Variants in NARS2 observed in about 807,000 individuals in gnomAD.
NARS2 encodes the protein asparaginyl-tRNA synthetase 2, mitochondrial, also known as asparaginyl-tRNA synthetase.
NARS2 carries 60 observed loss-of-function variants against 62.9 expected under a neutral mutation model. That is an observed-to-expected ratio of 0.95 (90% CI 0.77 to 1.18). NARS2 has a LOEUF of 1.18. Among genes scored for constraint, NARS2 ranks in the 50% most tolerant of loss-of-function variants. NARS2 has a pLI of 0.00. For synonymous variants in NARS2, 196 were observed against 200.0 expected (o/e 0.98, Z 0.17); for missense variants, 619 against 576.4 (o/e 1.07, Z -0.76).
chr11:78,548,908 GGA>G (rs1264270032), intron 5 of NARS2, among the ~76,000 whole-genome samples: 3 of 152,190 alleles, frequency 2.0e-5, no homozygotes, highest in Non-Finnish European at 4.4e-5. Context: ...GTGAGGACAA[GGA>G]GAGTCTGTAA....
At chr11:78,519,121 T>C (rs1007224580) in intron 6 of NARS2, among the ~76,000 whole-genome samples, 3 of 152,198 alleles carry the variant, frequency 2.0e-5, no homozygotes, top group African/African-American at 4.8e-5. Context: ...GGGAAGTCAG[T>C]TTCACACCCA....
chr11:78,469,967 G>A (rs1457886438), intron 9 of NARS2, among the ~76,000 whole-genome samples: 2 of 152,172 alleles, frequency 1.3e-5, no homozygotes, highest in African/African-American at 4.8e-5. Context: ...ATGAACCATA[G>A]AAGTATCTTG....
At chr11:78,440,824 C>T (rs142055396) in intron 13 of NARS2, among the ~76,000 whole-genome samples, 8 of 152,306 alleles carry the variant, frequency 5.3e-5, no homozygotes, top group Non-Finnish European at 7.3e-5. Context: ...TGAGCCACTG[C>T]GCCCAGCCAA....
intron 6 of NARS2, among the ~76,000 whole-genome samples, chr11:78,501,841 C>A (rs1860293266): frequency 1.3e-5 from 2 of 152,032 alleles, no homozygotes; most frequent in Admixed American, 1.3e-4. Context: ...TGAATGTATA[C>A]CTCAAAGAAA....
intron 11 of NARS2, among the ~76,000 whole-genome samples, chr11:78,464,038 C>G (rs958724202): frequency 6.6e-6 from 1 of 152,126 alleles, no homozygotes; most frequent in African/African-American, 2.4e-5. Context: ...TTCTTAAAGG[C>G]GGCGCGTCCG....
chr11:78,468,641 T>TGATC (rs1858735220), intron 10 of NARS2, among the ~76,000 whole-genome samples: 2 of 151,964 alleles, frequency 1.3e-5, no homozygotes, highest in African/African-American at 4.8e-5. Context: ...CCTGACCTTG[T>TGATC]GATCCACCCG....
intron 11 of NARS2, among the ~76,000 whole-genome samples, chr11:78,449,143 T>G (rs896603534): frequency 1.4e-5 from 2 of 147,780 alleles, no homozygotes; most frequent in Non-Finnish European, 3.0e-5. Context: ...GTTTTTTTTT[T>G]TTTTTTTTTT....
chr11:78,447,472 C>A (rs1327414681), intron 11 of NARS2, among the ~76,000 whole-genome samples: 3 of 152,118 alleles, frequency 2.0e-5, no homozygotes, highest in African/African-American at 7.2e-5. Flanking sequence ...ACAGAACATA[C>A]ACCTCAGCAA....
At chr11:78,520,067 TA>T (rs916417111) in intron 6 of NARS2, among the ~76,000 whole-genome samples, 1 of 152,120 alleles carries the variant, frequency 6.6e-6, no homozygotes, top group African/African-American at 2.4e-5. Context: ...TAAATATTTA[TA>T]AAAAAATAAT....
At chr11:78,442,330 T>C (rs1857601019) in intron 12 of NARS2, among the ~76,000 whole-genome samples, 1 of 152,220 alleles carries the variant, frequency 6.6e-6, no homozygotes, top group Non-Finnish European at 1.5e-5. Context: ...AAGGAGTTAG[T>C]CGTCTAACGA....
rs149107775 is a variant in NARS2, at chr11:78,469,152, AT to A, written c.1026+94del. 931 of 837,914 alleles carry A rather than the reference AT, an allele frequency of 1.1e-3. 7 individuals carry two copies. In the African/African-American group the frequency reaches 0.014, roughly 13 times the overall value. 51.9% of individuals were successfully genotyped at this position (837,914 alleles called of 1,614,324 possible). On this transcript the variant is annotated intron_variant, in intron 10 of 13. Coordinates refer to ENST00000281038, the MANE Select transcript of NARS2 (RefSeq NM_024678.6). ...AATGCCATATTTTGCTAATAAGAGAATTAAGATGATTTTGAAAGATTCTTAA... is the reference window on the plus strand; with the variant it reads ...AATGCCATATTTTGCTAATAAGAGAATAAGATGATTTTGAAAGATTCTTAA...
At chr11:78,475,082 C>A (rs1859032810) in intron 9 of NARS2, among the ~76,000 whole-genome samples, 1 of 152,050 alleles carries the variant, frequency 6.6e-6, no homozygotes, top group South Asian at 2.1e-4. Context: ...CCTTCAAGAA[C>A]CCCTCACCGG....
intron 11 of NARS2, among the ~76,000 whole-genome samples, chr11:78,459,229 T>A (rs1466574388): frequency 6.8e-6 from 1 of 146,114 alleles, no homozygotes. Context: ...GATGATCTGA[T>A]GGTGGTTTTT....
At chr11:78,509,738 A>T (rs1590794866) in intron 6 of NARS2, among the ~76,000 whole-genome samples, 1 of 151,974 alleles carries the variant, frequency 6.6e-6, no homozygotes, top group East Asian at 1.9e-4. Flanking sequence ...TGCAGTCAAG[A>T]ATCCCTTGAA....
At chr11:78,537,220 T>C (rs1204449597) in intron 5 of NARS2, among the ~76,000 whole-genome samples, 1 of 152,150 alleles carries the variant, frequency 6.6e-6, no homozygotes, top group Non-Finnish European at 1.5e-5. Flanking sequence ...AGAGAGTGTG[T>C]GTGTGTGTTA....
rs147267934 is a variant in NARS2 at position 78,568,078 on chromosome 11, C to T, written c.372+554G>A. On this transcript the variant is annotated intron_variant, in intron 3 of 13. Coordinates refer to ENST00000281038, the MANE Select transcript of NARS2 (RefSeq NM_024678.6). The stretch of plus-strand genomic sequence containing the variant: ...TAATACAGAATTTCTTGCCTCTATT[C>T]GGCCTAAGCCTTACAATACTACTGA... 3.1e-4 allele frequency among the ~76,000 whole-genome samples: 47 copies of T among 152,288 alleles called. 2 individuals carry two copies. The highest frequency in any genetic ancestry group is 2.7e-3 in the South Asian group (13 of 4,826).
intron 5 of NARS2, among the ~76,000 whole-genome samples, chr11:78,547,696 G>A (rs1202384298): frequency 6.6e-6 from 1 of 152,122 alleles, no homozygotes; most frequent in Non-Finnish European, 1.5e-5. Flanking sequence ...AGCTGGGTGT[G>A]GTAGCTAATA....
chr11:78,515,217 C>G (rs1860860404), intron 6 of NARS2, among the ~76,000 whole-genome samples: 1 of 152,148 alleles, frequency 6.6e-6, no homozygotes, highest in South Asian at 2.1e-4. Flanking sequence ...AAATGCTCCC[C>G]CACCCACCCA....
intron 5 of NARS2, among the ~76,000 whole-genome samples, chr11:78,550,192 C>T (rs1429539142): frequency 6.6e-6 from 1 of 152,150 alleles, no homozygotes; most frequent in Non-Finnish European, 1.5e-5. Context: ...CTCAAGCAGG[C>T]CACTTTTAAT....
Sources: gnomAD v4.1 joint callset for allele counts (sites outside exome capture counted in the v4.1 genomes callset) on GRCh38, gnomAD v4.1.1 for gene constraint, MANE v1.5 for transcripts, NCBI Gene and HGNC (gene_info 2026-07-23, HGNC 2026-07-21) for gene names.